STPG2: variants seen among roughly 807,000 people sequenced by gnomAD.
STPG2 encodes the protein sperm-tail PG-rich repeat-containing protein 2.
In STPG2, 56 loss-of-function variants were observed where a neutral mutation model predicts 54.2. The ratio of observed to expected loss-of-function variants is 1.03; its 90% confidence interval spans 0.83 to 1.29. The LOEUF (loss-of-function observed/expected upper bound fraction) is 1.29, where lower values mean the gene tolerates loss of function less well. Ranked by LOEUF, STPG2 falls within the 50% of genes most tolerant of loss-of-function variation. STPG2 has a pLI of 0.00. For synonymous variants in STPG2, 200 were observed against 181.8 expected (o/e 1.10, Z -0.81); for missense variants, 596 against 544.9 (o/e 1.09, Z -0.93).
intron 4 of STPG2, among the ~76,000 whole-genome samples, chr4:97,475,517 A>C (rs1170129781): frequency 6.6e-6 from 1 of 150,512 alleles, no homozygotes; most frequent in Non-Finnish European, 1.5e-5. Context: ...TATGTATATA[A>C]TATATATGTA....
At chr4:97,814,933 C>T (rs988300215) in intron 9 of STPG2, among the ~76,000 whole-genome samples, 1 of 152,004 alleles carries the variant, frequency 6.6e-6, no homozygotes, top group Non-Finnish European at 1.5e-5. Flanking sequence ...TTAATAAACC[C>T]ACCCCATTAG....
intron 10 of STPG2, among the ~76,000 whole-genome samples, chr4:97,596,753 C>T (rs760477213): frequency 3.9e-5 from 6 of 152,054 alleles, no homozygotes; most frequent in Non-Finnish European, 8.8e-5. Context: ...ACCTCTGGGA[C>T]ATAGCTAAAG....
intron 10 of STPG2, among the ~76,000 whole-genome samples, chr4:97,566,979 A>G (rs1732469022): frequency 6.6e-6 from 1 of 151,996 alleles, no homozygotes; most frequent in Non-Finnish European, 1.5e-5. Context: ...ACATGTATAC[A>G]TATGTAACTA....
intron 5 of STPG2, among the ~76,000 whole-genome samples, chr4:98,089,536 T>A (rs1017845754): frequency 2.0e-5 from 3 of 152,026 alleles, no homozygotes; most frequent in African/African-American, 7.2e-5. Flanking sequence ...TTTTTTTTCA[T>A]GTAATGACTT....
chr4:98,065,118 A>T (rs1044218341), intron 5 of STPG2, among the ~76,000 whole-genome samples: 1 of 152,112 alleles, frequency 6.6e-6, no homozygotes, highest in African/African-American at 2.4e-5. Context: ...CAAGAAGCAA[A>T]CCTTATGCTT....
intron 7 of STPG2, among the ~76,000 whole-genome samples, chr4:97,954,110 T>C (rs2149242653): frequency 6.6e-6 from 1 of 152,314 alleles, no homozygotes; most frequent in East Asian, 1.9e-4. Context: ...TACCAAGAAA[T>C]TAATTACTTA....
intron 10 of STPG2, among the ~76,000 whole-genome samples, chr4:97,637,939 A>G (rs1225529335): frequency 9.2e-5 from 14 of 152,110 alleles, no homozygotes; most frequent in African/African-American, 2.7e-4. Context: ...TACAGATTCA[A>G]TGCCATCCCC....
chr4:97,859,210 A>G (rs759291833), intron 8 of STPG2, among the ~76,000 whole-genome samples: 92 of 152,080 alleles, frequency 6.0e-4, no homozygotes, highest in Admixed American at 1.4e-3. Context: ...AGAGTTGTCT[A>G]TTCATGTCCT....
At chr4:97,506,293 G>C (rs1357116227) in intron 4 of STPG2, among the ~76,000 whole-genome samples, 1 of 151,918 alleles carries the variant, frequency 6.6e-6, no homozygotes, top group East Asian at 1.9e-4. Flanking sequence ...TTAATAGGCT[G>C]ATCAAGAAAT....
intron 4 of STPG2, among the ~76,000 whole-genome samples, chr4:97,477,643 A>ATTTTTTT (rs561080941): frequency 7.1e-5 from 10 of 141,252 alleles, no homozygotes; most frequent in South Asian, 2.3e-4. Context: ...TGCCCGGCTA[A>ATTTTTTT]TTTTTTTTTT....
chr4:97,903,381 T>C (rs560745119), intron 8 of STPG2, among the ~76,000 whole-genome samples: 3 of 152,106 alleles, frequency 2.0e-5, no homozygotes, highest in South Asian at 4.2e-4. Context: ...CACTTCATTA[T>C]AGCTGGAAAA....
At chr4:97,543,563 T>C (rs1477534064) in intron 4 of STPG2, among the ~76,000 whole-genome samples, 7 of 152,106 alleles carry the variant, frequency 4.6e-5, no homozygotes, top group Admixed American at 4.6e-4. Context: ...AGCTTCTATT[T>C]TGCCAGATAT....
intron 7 of STPG2, among the ~76,000 whole-genome samples, 160 bp downstream of exon 7, chr4:97,972,118 ATG>A (rs1197476306): frequency 2.5e-4 from 38 of 152,274 alleles, no homozygotes; most frequent in African/African-American, 8.9e-4. Context: ...TTTCTCTATT[ATG>A]TAATATGTTC....
intron 4 of STPG2, among the ~76,000 whole-genome samples, chr4:97,521,089 C>G (rs142909302): frequency 2.6e-5 from 4 of 151,972 alleles, no homozygotes; most frequent in African/African-American, 9.7e-5. Flanking sequence ...AAATACTCCA[C>G]TGTTTGTTAC....
At chr4:97,759,870 C>A (rs1310405060) in intron 9 of STPG2, among the ~76,000 whole-genome samples, 1 of 152,090 alleles carries the variant, frequency 6.6e-6, no homozygotes, top group East Asian at 1.9e-4. Context: ...TGAACTACTG[C>A]AAGAGCTTCC....
intron 9 of STPG2, among the ~76,000 whole-genome samples, chr4:97,835,090 A>T (rs1728590892): frequency 6.6e-6 from 1 of 152,076 alleles, no homozygotes; most frequent in Non-Finnish European, 1.5e-5. Flanking sequence ...GCTCATTCTA[A>T]CTCACAGGAT....
chr4:97,565,270 G>A (rs1171227683), intron 10 of STPG2, among the ~76,000 whole-genome samples: 7 of 152,096 alleles, frequency 4.6e-5, no homozygotes, highest in Non-Finnish European at 1.0e-4. Flanking sequence ...CTCGAGCCTT[G>A]GCTTTCAGCT....
chr4:97,677,057 A>T (rs2148974883), intron 10 of STPG2, among the ~76,000 whole-genome samples: 1 of 152,290 alleles, frequency 6.6e-6, no homozygotes, highest in African/African-American at 2.4e-5. Context: ...TTGTTTTTTC[A>T]AAATTAAAAG....
intron 9 of STPG2, among the ~76,000 whole-genome samples, chr4:97,721,895 T>C (rs1286026026): frequency 2.0e-5 from 3 of 152,064 alleles, no homozygotes; most frequent in African/African-American, 7.2e-5. Context: ...CATATATCAC[T>C]GCAAAAACTG....
Sources: gnomAD v4.1 joint callset for allele counts (sites outside exome capture counted in the v4.1 genomes callset) on GRCh38, gnomAD v4.1.1 for gene constraint, MANE v1.5 for transcripts, NCBI Gene and HGNC (gene_info 2026-07-23, HGNC 2026-07-21) for gene names.